The following TNFSF11 variants were observed in gnomAD, a reference collection of about 807,000 sequenced individuals.
TNFSF11 encodes tumor necrosis factor ligand superfamily member 11.
Under a neutral mutation model 32.2 loss-of-function variants are expected in TNFSF11, and 12 were observed. The observed-to-expected ratio is 0.37, with a 90% CI of 0.24 to 0.60. The LOEUF (loss-of-function observed/expected upper bound fraction) is 0.60, where lower values mean the gene tolerates loss of function less well. Ranked by LOEUF, TNFSF11 falls within the 20% of genes least tolerant of loss-of-function variation. The pLI, the probability that TNFSF11 is intolerant of heterozygous loss-of-function variation, is 0.66. For missense variants in TNFSF11, 345 were observed against 398.0 expected (o/e 0.87, Z 1.13); for synonymous variants, 172 against 152.1 (o/e 1.13, Z -0.96).
At chr13:42,598,077 G>A (rs971479218) in intron 2 of TNFSF11, among the ~76,000 whole-genome samples, 1 of 151,998 alleles carries the variant, frequency 6.6e-6, no homozygotes, top group Non-Finnish European at 1.5e-5. Flanking sequence ...AAACTCCTAG[G>A]CTCAAGTGAT....
intron 2 of TNFSF11, among the ~76,000 whole-genome samples, chr13:42,598,777 G>T (rs1450219241): frequency 6.6e-6 from 1 of 152,130 alleles, no homozygotes; most frequent in Non-Finnish European, 1.5e-5. Context: ...TTTTCCTATA[G>T]CCTTAAGGGA....
chr13:42,577,430 G>A (rs1873375054), intron 1 of TNFSF11, among the ~76,000 whole-genome samples: 1 of 151,866 alleles, frequency 6.6e-6, no homozygotes, highest in Admixed American at 6.6e-5. Flanking sequence ...CCACCACCCT[G>A]CCAAAGAGAA....
At chr13:42,579,313 A>G (rs1015194460) in intron 1 of TNFSF11, among the ~76,000 whole-genome samples, 19 of 151,910 alleles carry the variant, frequency 1.3e-4, no homozygotes, top group African/African-American at 3.6e-4. Context: ...AAGGCTAAGG[A>G]AGGAGGATTG....
chr13:42,576,039 C>T (rs1350931192), intron 1 of TNFSF11, among the ~76,000 whole-genome samples: 3 of 152,178 alleles, frequency 2.0e-5, no homozygotes, highest in Non-Finnish European at 2.9e-5. Flanking sequence ...GGGCATGGAG[C>T]CAGATAGCAG....
upstream of TNFSF11, among the ~76,000 whole-genome samples, chr13:42,570,861 G>T (rs531934922): frequency 3.3e-5 from 5 of 152,174 alleles, no homozygotes; most frequent in South Asian, 2.1e-4. Flanking sequence ...CATTTGCATT[G>T]TACTAAGAGT....
At chr13:42,570,684 A>C (rs1873032870), upstream of TNFSF11, among the ~76,000 whole-genome samples, 1 of 152,228 alleles carries the variant, frequency 6.6e-6, no homozygotes, top group Non-Finnish European at 1.5e-5. Context: ...ACATGCAATT[A>C]GGAAGACATG....
chr13:42,576,697 C>T (rs61959537), intron 1 of TNFSF11, among the ~76,000 whole-genome samples: 21 of 152,178 alleles, frequency 1.4e-4, no homozygotes, highest in Admixed American at 6.5e-4. Context: ...ACCACTAGAT[C>T]GGGATGCATT....
In TNFSF11 at chr13:42,600,767, G is replaced by T. The variant is rs201389502; in HGVS notation, c.403G>T (p.Val135Phe). ...TTTATTTCAGGAATTACAACATATCGTTGGATCACAGCACATCAGAGCAGA... is the reference window on the plus strand; with the variant it reads ...TTTATTTCAGGAATTACAACATATCTTTGGATCACAGCACATCAGAGCAGA... ...GAVQKELQHIVGSQHIRAEKA... is the reference protein window; with the variant it reads ...GAVQKELQHIFGSQHIRAEKA... Residue 135 changes from valine (V) to phenylalanine (F), a missense_variant, in exon 3 of 5, where the codon GTT becomes TTT. Val to Phe is a conservative substitution (Grantham distance 50). Around this residue, in one of 2 missense-constraint regions of TNFSF11, gnomAD observed 197 missense variants for 182.0 expected, o/e 1.08. Coordinates refer to ENST00000398795, the MANE Select transcript of TNFSF11 (RefSeq NM_003701.4). 2 of 1,613,806 alleles carry T rather than the reference G, an allele frequency of 1.2e-6. No individual in the cohort carries two copies. Among genetic ancestry groups the T allele is most frequent in the Non-Finnish European group, 1.7e-6 (2 of 1,179,920 alleles).
rs569956056 is a variant in TNFSF11 at position 42,584,516 on chromosome 13, G to A, written c.387+3223G>A. On this transcript the variant is annotated intron_variant, in intron 2 of 4. Coordinates refer to ENST00000398795, the MANE Select transcript of TNFSF11 (RefSeq NM_003701.4). ...CAGAACATTATCCCACTTCGTTTGC[G>A]ATTTCTAAGTGACTCCTTAGGTAGT... 1.2e-4 allele frequency among the ~76,000 whole-genome samples: 18 copies of A among 152,236 alleles called. No homozygotes were observed. The South Asian group carries it at 2.9e-3, about 25-fold the overall frequency.
chr13:42,574,530 G>A lies in TNFSF11; in HGVS notation c.219+8G>A. ...TTCTATTTCAGAGCGCAGGTGAGTG[G>A]CCACCTTCCCAGGGGATCGCGGCTG... is the stretch of plus-strand genomic sequence containing the variant. On this transcript the variant is annotated splice_region_variant and intron_variant, in intron 1 of 4. Coordinates refer to ENST00000398795, the MANE Select transcript of TNFSF11 (RefSeq NM_003701.4). The A allele has an allele frequency of 6.2e-7, 1 of 1,605,610 alleles. No individual in the cohort carries two copies.
At chr13:42,599,349 C>CTATCTATTATCTATCT (rs11385072) in intron 2 of TNFSF11, among the ~76,000 whole-genome samples, 8 of 112,246 alleles carry the variant, frequency 7.1e-5, no homozygotes, top group African/African-American at 2.8e-4. Context: ...ATCTATCTAT[C>CTATCTATTATCTATCT]ATCTATCTAT....
chr13:42,575,089 A>G (rs1873243566), intron 1 of TNFSF11, among the ~76,000 whole-genome samples: 1 of 152,084 alleles, frequency 6.6e-6, no homozygotes, highest in African/African-American at 2.4e-5. Context: ...GGTGGGCAGA[A>G]TGACACGGCG....
chr13:42,584,559 A>G (rs1473454455), intron 2 of TNFSF11, among the ~76,000 whole-genome samples: 2 of 152,194 alleles, frequency 1.3e-5, no homozygotes, highest in Admixed American at 1.3e-4. Context: ...AGCAATTTGT[A>G]TGTAAAGGTG....
At chr13:42,566,390 G>A (rs1257653043) in intron 1 of TNFSF11, among the ~76,000 whole-genome samples, 4 of 152,214 alleles carry the variant, frequency 2.6e-5, no homozygotes, top group Admixed American at 1.3e-4. Context: ...GGTAGGAAAA[G>A]AAGGGTCAGG....
At chr13:42,601,119 C>A in intron 4 of TNFSF11, 138 bp downstream of exon 4, 1 of 892,478 alleles carries the variant, frequency 1.1e-6, no homozygotes, top group Non-Finnish European at 1.8e-6. Flanking sequence ...GACCATTCAT[C>A]CTCAGGTGAT....
rs545186927 is a variant in TNFSF11, at chr13:42,580,857, C to T, written c.220-269C>T. The stretch of plus-strand genomic sequence containing the variant: ...GTTAGACAAGTTTGACAATTTCCCC[C>T]ATGAATCACGCACATACACTTCTGT... On this transcript the variant is annotated intron_variant, in intron 1 of 4. Coordinates refer to ENST00000398795, the MANE Select transcript of TNFSF11 (RefSeq NM_003701.4). 3.3e-5 allele frequency among the ~76,000 whole-genome samples: 5 copies of T among 152,288 alleles called. No individual in the cohort carries two copies. The East Asian group carries it at 7.7e-4, about 24-fold the overall frequency.
intron 2 of TNFSF11, among the ~76,000 whole-genome samples, chr13:42,587,130 C>G (rs867418295): frequency 6.6e-6 from 1 of 152,164 alleles, no homozygotes; most frequent in Non-Finnish European, 1.5e-5. Context: ...TCAGCATGAA[C>G]CTTCCATCTC....
At chr13:42,595,501 G>A (rs1868757206) in intron 2 of TNFSF11, among the ~76,000 whole-genome samples, 1 of 152,158 alleles carries the variant, frequency 6.6e-6, no homozygotes, top group Non-Finnish European at 1.5e-5. Context: ...CTGGACATGG[G>A]TGCTCATTAG....
upstream of TNFSF11, among the ~76,000 whole-genome samples, chr13:42,570,014 A>G (rs988376273): frequency 1.3e-5 from 2 of 152,174 alleles, no homozygotes; most frequent in Non-Finnish European, 2.9e-5. Context: ...ACATGCTAAT[A>G]TGGTAAAATT....
Sources: gnomAD v4.1 joint callset for allele counts (sites outside exome capture counted in the v4.1 genomes callset) on GRCh38, gnomAD v4.1.1 for gene constraint, gnomAD v4.1.1 regional missense constraint, MANE v1.5 for transcripts, NCBI Gene and HGNC (gene_info 2026-07-23, HGNC 2026-07-21) for gene names.